Variants in NOVA1 observed in about 807,000 individuals in gnomAD.
NOVA1 encodes NOVA alternative splicing regulator 1.
A neutral mutation model predicts 38.0 loss-of-function variants in NOVA1; 7 were observed. The observed-to-expected ratio is 0.18, with a 90% confidence interval of 0.10 to 0.35. The LOEUF (loss-of-function observed/expected upper bound fraction) is 0.35. Among genes scored for constraint, NOVA1 ranks in the 10% least tolerant of loss-of-function variants. The pLI, the probability that NOVA1 is intolerant of heterozygous loss-of-function variation, is 1.00. For synonymous variants in NOVA1, 270 were observed against 232.5 expected (o/e 1.16, Z -1.47); for missense variants, 460 against 616.0 (o/e 0.75, Z 2.68).
At chr14:26,496,720 A>T (rs979608546) in intron 2 of NOVA1, among the ~76,000 whole-genome samples, 14 of 152,190 alleles carry the variant, frequency 9.2e-5, no homozygotes, top group African/African-American at 3.4e-4. Context: ...ATGGCTAGCC[A>T]GTTTTCCCAG....
chr14:26,460,826 AAAATT>A (rs1431649786), intron 4 of NOVA1, among the ~76,000 whole-genome samples: 1 of 152,226 alleles, frequency 6.6e-6, no homozygotes. Context: ...ATTCTTTAAA[AAAATT>A]AAAATGTTTA....
intron 2 of NOVA1, among the ~76,000 whole-genome samples, chr14:26,535,111 A>C (rs2138570946): frequency 6.6e-6 from 1 of 152,348 alleles, no homozygotes; most frequent in East Asian, 1.9e-4. Flanking sequence ...TCAGCTAAAT[A>C]TGTAAATTAA....
chr14:26,519,349 G>C (rs1888705577), intron 2 of NOVA1: 1 of 152,110 alleles, frequency 6.6e-6, no homozygotes, highest in Non-Finnish European at 1.5e-5. Flanking sequence ...TATGTACAGA[G>C]CAAGTGAGGA....
Position 26,511,161 on chromosome 14 carries a change from G to C in NOVA1, c.281-31018C>G, listed in dbSNP as rs191826173. 2.0e-4 allele frequency among the ~76,000 whole-genome samples: 31 copies of C among 152,142 alleles called. No homozygotes were observed. The East Asian group carries it at 5.2e-3, about 26-fold the overall frequency. Reference sequence around the variant, plus strand: ...AATAATTGGGAAAATTCTTTTTAAGGTTCACTTTTATCTTCTAACAAAATG... The same window carrying C: ...AATAATTGGGAAAATTCTTTTTAAGCTTCACTTTTATCTTCTAACAAAATG... On this transcript the variant is annotated intron_variant, in intron 2 of 4. Coordinates refer to ENST00000539517, the MANE Select transcript of NOVA1 (RefSeq NM_002515.3).
In NOVA1 at chr14:26,476,914, T is replaced by C. The variant is rs577076773; in HGVS notation, c.447+3063A>G. On this transcript the variant is annotated intron_variant, in intron 3 of 4. Coordinates refer to ENST00000539517, the MANE Select transcript of NOVA1 (RefSeq NM_002515.3). ...ATTTTTAGTAGAGATGGGGTTTCTC[T>C]ATGTTGGTCAGGCTGGTCTCAAACT... Among the ~76,000 whole-genome samples the C allele has an allele frequency of 5.3e-5, 8 of 149,912 alleles. No homozygotes were observed. In the South Asian group the frequency reaches 1.7e-3, roughly 31 times the overall value.
At chr14:26,456,978 C>CACAT (rs1555315471) in intron 4 of NOVA1, among the ~76,000 whole-genome samples, 35 of 150,370 alleles carry the variant, frequency 2.3e-4, no homozygotes, top group African/African-American at 5.4e-4. Context: ...CACACACACA[C>CACAT]ATATATATAT....
chr14:26,465,723 G>C (rs1884058620), intron 4 of NOVA1, among the ~76,000 whole-genome samples: 1 of 152,002 alleles, frequency 6.6e-6, no homozygotes, highest in African/African-American at 2.4e-5. Context: ...AGAGCATATA[G>C]ACTTGTAAGC....
At chr14:26,464,808 A>G (rs1459405990) in intron 4 of NOVA1, among the ~76,000 whole-genome samples, 1 of 152,174 alleles carries the variant, frequency 6.6e-6, no homozygotes, top group Non-Finnish European at 1.5e-5. Flanking sequence ...CTTCCCCACG[A>G]AAATTATAGT....
intron 2 of NOVA1, among the ~76,000 whole-genome samples, chr14:26,491,424 G>C (rs1886340179): frequency 6.6e-6 from 1 of 152,116 alleles, no homozygotes; most frequent in Admixed American, 6.5e-5. Flanking sequence ...GGTAATGGAC[G>C]TTAATAATGT....
intron 2 of NOVA1, among the ~76,000 whole-genome samples, chr14:26,571,038 T>C (rs1044857007): frequency 6.7e-6 from 1 of 149,330 alleles, no homozygotes; most frequent in African/African-American, 2.6e-5. Flanking sequence ...ATCCACAGAC[T>C]TCACTTACAA....
chr14:26,563,290 A>G (rs1257902300), intron 2 of NOVA1, among the ~76,000 whole-genome samples: 1 of 151,894 alleles, frequency 6.6e-6, no homozygotes, highest in East Asian at 1.9e-4. Context: ...ATTAGAACTG[A>G]TGGTTACAAC....
chr14:26,511,189 T>G (rs1297085920), intron 2 of NOVA1, among the ~76,000 whole-genome samples: 6 of 152,144 alleles, frequency 3.9e-5, no homozygotes, highest in Admixed American at 6.5e-5. Context: ...ACAAAATGGT[T>G]GCTAATACAT....
At chr14:26,449,031 A>G (rs1235197434) in intron 4 of NOVA1, 68 bp from the exon 5 acceptor site, 30 of 1,383,518 alleles carry the variant, frequency 2.2e-5, no homozygotes, top group Non-Finnish European at 2.8e-5. Flanking sequence ...TTACTTTGCT[A>G]TCCTAGAAAA....
intron 2 of NOVA1, among the ~76,000 whole-genome samples, chr14:26,575,747 T>A (rs116503655): frequency 0.011 from 1,723 of 152,076 alleles, 23 homozygotes; most frequent in Middle Eastern, 0.058. Flanking sequence ...AAATGCATGA[T>A]TAGAAAAAAA....
chr14:26,532,550 G>A (rs1889793772), intron 2 of NOVA1, among the ~76,000 whole-genome samples: 1 of 152,164 alleles, frequency 6.6e-6, no homozygotes, highest in African/African-American at 2.4e-5. Flanking sequence ...TTGAAGTGAG[G>A]ATGGATGGGA....
chr14:26,559,279 G>A (rs925917815), intron 2 of NOVA1, among the ~76,000 whole-genome samples: 11 of 151,940 alleles, frequency 7.2e-5, no homozygotes, highest in Admixed American at 5.2e-4. Flanking sequence ...AAAGAGTCTC[G>A]TTAAAGTCCG....
At chr14:26,449,482 A>T (rs1054585413) in intron 4 of NOVA1, among the ~76,000 whole-genome samples, 4 of 152,078 alleles carry the variant, frequency 2.6e-5, no homozygotes, top group Non-Finnish European at 5.9e-5. Context: ...TCACCCAGTA[A>T]TTTTTTTGTT....
In NOVA1 at chr14:26,527,998, TAAGAA is replaced by T. The variant is rs570722391; in HGVS notation, c.281-47860_281-47856del. Among the ~76,000 whole-genome samples, 8 of 152,226 alleles carry T rather than the reference TAAGAA, an allele frequency of 5.3e-5. No individual in the cohort carries two copies. The East Asian group carries it at 1.5e-3, about 29-fold the overall frequency. On this transcript the variant is annotated intron_variant, in intron 2 of 4. Transcript: ENST00000539517. Reference sequence around the variant, plus strand: ...CTTGGCTCCCAGAGGCATACACACTTAAGAAAAGCAGTCTGGGTTCTAAGTGTGGC... The same window carrying T: ...CTTGGCTCCCAGAGGCATACACACTTAAGCAGTCTGGGTTCTAAGTGTGGC...
chr14:26,505,457 C>T (rs930223752), intron 2 of NOVA1, among the ~76,000 whole-genome samples: 1 of 152,068 alleles, frequency 6.6e-6, no homozygotes, highest in Non-Finnish European at 1.5e-5. Context: ...TCCCTTTAGC[C>T]TCCCACCATG....
Sources: gnomAD v4.1 joint callset for allele counts (sites outside exome capture counted in the v4.1 genomes callset) on GRCh38, gnomAD v4.1.1 for gene constraint, MANE v1.5 for transcripts, NCBI Gene and HGNC (gene_info 2026-07-23, HGNC 2026-07-21) for gene names.